Variants in SORCS3 observed in about 807,000 individuals in gnomAD.
SORCS3 encodes the protein sortilin related VPS10 domain containing receptor 3.
A neutral mutation model predicts 146.3 loss-of-function variants in SORCS3; 57 were observed. The observed-to-expected ratio is 0.39, with a 90% CI of 0.31 to 0.49. The LOEUF (loss-of-function observed/expected upper bound fraction) is 0.49, where lower values mean the gene tolerates loss of function less well. SORCS3 is among the 20% of genes least tolerant of loss of function. The pLI, the probability that SORCS3 is intolerant of heterozygous loss-of-function variation, is 0.92. For missense variants in SORCS3, 1,341 were observed against 1,575.5 expected, an observed-to-expected ratio of 0.85 and a Z score of 2.52; for synonymous variants, 653 against 618.5, an observed-to-expected ratio of 1.06 and a Z score of -0.83.
chr10:104,653,690 C>T (rs1224284368), intron 1 of SORCS3, among the ~76,000 whole-genome samples: 1 of 151,984 alleles, frequency 6.6e-6, no homozygotes, highest in African/African-American at 2.4e-5. Flanking sequence ...ACATAGTAGG[C>T]GTATATATTT....
chr10:104,796,203 G>A (rs2017553019), intron 1 of SORCS3, among the ~76,000 whole-genome samples: 2 of 152,304 alleles, frequency 1.3e-5, no homozygotes, highest in African/African-American at 2.4e-5. Flanking sequence ...AGTTTGTTCC[G>A]GATTTGTGAA....
At chr10:104,694,126 T>G (rs564196052) in intron 1 of SORCS3, among the ~76,000 whole-genome samples, 1 of 150,842 alleles carries the variant, frequency 6.6e-6, no homozygotes, top group African/African-American at 2.4e-5. Context: ...TTCTGCTTGA[T>G]AGATTGCTTT....
intron 20 of SORCS3, among the ~76,000 whole-genome samples, chr10:105,232,114 G>A (rs1280797207): frequency 6.6e-6 from 1 of 151,988 alleles, no homozygotes; most frequent in African/African-American, 2.4e-5. Flanking sequence ...TGGAAAATTG[G>A]CATAATTTCT....
At chr10:105,139,574 A>G (rs1033190929) in intron 8 of SORCS3, 88 bp downstream of exon 8, 1 of 1,040,336 alleles carries the variant, frequency 9.6e-7, no homozygotes, top group African/African-American at 1.6e-5. Context: ...GGGAGGTTTT[A>G]TCTGTTTGGA....
intron 4 of SORCS3, among the ~76,000 whole-genome samples, chr10:104,989,249 A>C (rs1351146064): frequency 6.6e-6 from 1 of 152,250 alleles, no homozygotes; most frequent in African/African-American, 2.4e-5. Flanking sequence ...CATTTGAAGT[A>C]CTGACAGGTA....
chr10:105,045,855 G>T (rs1484278131), intron 5 of SORCS3, among the ~76,000 whole-genome samples: 1 of 152,078 alleles, frequency 6.6e-6, no homozygotes, highest in African/African-American at 2.4e-5. Flanking sequence ...TAGTACTCAA[G>T]AACATGTCAC....
At chr10:104,647,810 G>A (rs1289714549) in intron 1 of SORCS3, among the ~76,000 whole-genome samples, 4 of 152,112 alleles carry the variant, frequency 2.6e-5, no homozygotes, top group South Asian at 4.1e-4. Context: ...GATTCAGAGG[G>A]GTCTCTACAC....
At chr10:104,740,130 G>C (rs114486196) in intron 1 of SORCS3, among the ~76,000 whole-genome samples, 1 of 152,124 alleles carries the variant, frequency 6.6e-6, no homozygotes, top group Admixed American at 6.6e-5. Flanking sequence ...TTTGCAGTGC[G>C]TACTAACAAA....
At chr10:104,858,950 A>AAC (rs1375918332) in intron 2 of SORCS3, among the ~76,000 whole-genome samples, 1 of 150,858 alleles carries the variant, frequency 6.6e-6, no homozygotes, top group African/African-American at 2.4e-5. Context: ...AAAAAAAAAA[A>AAC]AAACAACAAA....
Position 105,262,474 on chromosome 10 carries a change from T to C in SORCS3, c.3587T>C (p.Leu1196Pro). The change falls in exon 26 of 27, where the codon CTG (leucine) becomes CCG (proline). Residue 1196 changes from leucine to proline, a missense_variant. Physicochemically the swap from Leu to Pro is moderately conservative, Grantham distance 98. Transcript: ENST00000369701. ...TEPEELLDKE[L>P]DTRVIGGIAT... ...CCTGAGGAGCTGCTGGACAAAGAGC[T>C]GGACACGCGGGTCATAGGTACATGC... 6.2e-7 allele frequency: 1 copy of C among 1,613,836 alleles called. No individual in the cohort carries two copies. The highest frequency in any genetic ancestry group is 1.1e-5 in the South Asian group (1 of 91,078).
chr10:104,718,160 A>G (rs528341628), intron 1 of SORCS3, among the ~76,000 whole-genome samples: 1 of 151,556 alleles, frequency 6.6e-6, no homozygotes, highest in Non-Finnish European at 1.5e-5. Context: ...ATAAATAAAT[A>G]AATAAATGAA....
chr10:104,643,870 T>G (rs1219338024), intron 1 of SORCS3, among the ~76,000 whole-genome samples: 1 of 152,100 alleles, frequency 6.6e-6, no homozygotes, highest in Non-Finnish European at 1.5e-5. Flanking sequence ...ATTAGGACAA[T>G]ATAAATTCAC....
At chr10:105,008,496 G>A (rs567085406) in intron 4 of SORCS3, among the ~76,000 whole-genome samples, 1 of 152,246 alleles carries the variant, frequency 6.6e-6, no homozygotes, top group South Asian at 2.1e-4. Context: ...TACCTGCTAT[G>A]GTTTTTGTTG....
At chr10:105,103,401 T>C (rs2055799928) in intron 6 of SORCS3, among the ~76,000 whole-genome samples, 1 of 152,180 alleles carries the variant, frequency 6.6e-6, no homozygotes, top group African/African-American at 2.4e-5. Flanking sequence ...GCAATAGTGG[T>C]TGTTTTGAGG....
chr10:104,957,906 A>C (rs961274641), intron 3 of SORCS3, among the ~76,000 whole-genome samples: 15 of 152,164 alleles, frequency 9.9e-5, no homozygotes, highest in African/African-American at 3.6e-4. Context: ...AAACACCCTA[A>C]AAAACCCAAA....
At chr10:104,938,462 C>T (rs2019281176) in intron 3 of SORCS3, among the ~76,000 whole-genome samples, 1 of 152,130 alleles carries the variant, frequency 6.6e-6, no homozygotes, top group Admixed American at 6.5e-5. Flanking sequence ...CTCACTCATA[C>T]TCTTTGACCT....
At chr10:104,744,887 C>A (rs760636597) in intron 1 of SORCS3, among the ~76,000 whole-genome samples, 1 of 152,134 alleles carries the variant, frequency 6.6e-6, no homozygotes, top group Admixed American at 6.6e-5. Flanking sequence ...AGTGAAGACA[C>A]GTTGTTTGCT....
intron 5 of SORCS3, among the ~76,000 whole-genome samples, chr10:105,047,120 A>G (rs923286390): frequency 2.0e-5 from 3 of 152,090 alleles, no homozygotes; most frequent in African/African-American, 7.2e-5. Flanking sequence ...ACAGGCAGGC[A>G]TATTCTGCAG....
chr10:105,088,433 A>G (rs1224909322), intron 5 of SORCS3, among the ~76,000 whole-genome samples: 1 of 152,236 alleles, frequency 6.6e-6, no homozygotes, highest in Non-Finnish European at 1.5e-5. Context: ...TCAGATGACT[A>G]AATTTCGACC....
Sources: gnomAD v4.1 joint callset for allele counts (sites outside exome capture counted in the v4.1 genomes callset) on GRCh38, gnomAD v4.1.1 for gene constraint, MANE v1.5 for transcripts, NCBI Gene and HGNC (gene_info 2026-07-23, HGNC 2026-07-21) for gene names.